PRELID2: variants seen among roughly 807,000 people sequenced by gnomAD.
PRELID2 encodes the protein PRELI domain-containing protein 2.
Under a neutral mutation model 28.4 loss-of-function variants are expected in PRELID2, and 25 were observed. The observed-to-expected ratio is 0.88, with a 90% CI of 0.64 to 1.23. The LOEUF (loss-of-function observed/expected upper bound fraction) is 1.23, where lower values mean the gene tolerates loss of function less well. PRELID2 is among the 50% of genes most tolerant of loss of function. The pLI is 0.00. For synonymous variants in PRELID2, 76 were observed against 71.6 expected (o/e 1.06, Z -0.31); for missense variants, 201 against 214.4 (o/e 0.94, Z 0.39).
intron 1 of PRELID2, among the ~76,000 whole-genome samples, chr5:145,732,251 C>A (rs1398071550): frequency 6.6e-6 from 1 of 152,158 alleles, no homozygotes. Context: ...ATGTCCTGAG[C>A]CTGTCTCCCA....
the PRELID2 span, among the ~76,000 whole-genome samples, chr5:145,254,562 G>T: frequency 6.6e-6 from 1 of 152,004 alleles, no homozygotes; most frequent in East Asian, 1.9e-4. Flanking sequence ...AATTCTGAGG[G>T]CAAAGCAAGA....
At chr5:145,499,446 C>T (rs1348285705) in intron 1 of PRELID2, among the ~76,000 whole-genome samples, 1 of 151,930 alleles carries the variant, frequency 6.6e-6, no homozygotes, top group African/African-American at 2.4e-5. Flanking sequence ...CAACATAAGG[C>T]AGTAAAAATG....
chr5:145,418,343 T>C, the PRELID2 span, among the ~76,000 whole-genome samples: 1 of 152,076 alleles, frequency 6.6e-6, no homozygotes, highest in Non-Finnish European at 1.5e-5. Flanking sequence ...AATACTATTT[T>C]CATTGAACTA....
rs142610432 is a variant in PRELID2 at position 145,579,977 on chromosome 5, T to C, written n.71-106662A>G. Among the ~76,000 whole-genome samples, 11 of 152,212 alleles carry C rather than the reference T, an allele frequency of 7.2e-5. No homozygotes were observed. In the East Asian group the frequency reaches 2.1e-3, roughly 29 times the overall value. ...GTAAATCATTAATACTTAGCCAAGATGAATGAATAACTTTCCAAATAAGAC... is the reference window on the plus strand; with the variant it reads ...GTAAATCATTAATACTTAGCCAAGACGAATGAATAACTTTCCAAATAAGAC... On this transcript the variant is annotated intron_variant and non_coding_transcript_variant, in intron 1 of 2. Transcript: ENST00000510259.
the PRELID2 span, among the ~76,000 whole-genome samples, chr5:145,389,416 C>A: frequency 6.6e-6 from 1 of 152,186 alleles, no homozygotes; most frequent in East Asian, 1.9e-4. Context: ...TCTGCAGTAC[C>A]CACCAAAGCC....
intron 1 of PRELID2, among the ~76,000 whole-genome samples, chr5:145,487,595 T>A (rs548133445): frequency 9.2e-5 from 14 of 151,984 alleles, no homozygotes; most frequent in Middle Eastern, 3.4e-3. Context: ...TTGGAGAGGG[T>A]CATGTCTATG....
At chr5:145,749,056 T>G (rs551275299) in intron 1 of PRELID2, among the ~76,000 whole-genome samples, 1 of 152,110 alleles carries the variant, frequency 6.6e-6, no homozygotes, top group Admixed American at 6.5e-5. Flanking sequence ...ATTCAGGACA[T>G]AGGCGTGGGC....
chr5:145,525,477 C>A (rs1752599016), intron 1 of PRELID2, among the ~76,000 whole-genome samples: 2 of 152,120 alleles, frequency 1.3e-5, no homozygotes, highest in South Asian at 4.1e-4. Flanking sequence ...GTGGTTGATT[C>A]ACCTCATCTC....
chr5:145,507,449 A>C (rs1752421727), intron 1 of PRELID2, among the ~76,000 whole-genome samples: 1 of 152,206 alleles, frequency 6.6e-6, no homozygotes, highest in Non-Finnish European at 1.5e-5. Flanking sequence ...AAAGGTAGAC[A>C]CAACTCAGTT....
chr5:145,558,536 G>A (rs1404321180), intron 1 of PRELID2, among the ~76,000 whole-genome samples: 1 of 152,190 alleles, frequency 6.6e-6, no homozygotes, highest in African/African-American at 2.4e-5. Context: ...CACCTTACGT[G>A]ACACTCAGAA....
At position 145,479,156 on chromosome 5, in the gene PRELID2, C is replaced by A. The variant is rs548384592; in HGVS notation, n.71-5841G>T. ...AGCCCTCCAATCAGACCCTGCCAAA[C>A]CAACGTTCCTAAATCCTTTCCCTTG... On this transcript the variant is annotated intron_variant and non_coding_transcript_variant, in intron 1 of 2. Transcript: ENST00000510259. Among the ~76,000 whole-genome samples, 12 of 152,290 alleles carry A rather than the reference C, an allele frequency of 7.9e-5. No individual in the cohort carries two copies. The East Asian group carries it at 1.2e-3, about 15-fold the overall frequency.
At chr5:145,618,239 G>C (rs1266893074) in intron 1 of PRELID2, among the ~76,000 whole-genome samples, 1 of 152,098 alleles carries the variant, frequency 6.6e-6, no homozygotes, top group Non-Finnish European at 1.5e-5. Flanking sequence ...GTGATTTTTG[G>C]GGAGTGTTAA....
intron 1 of PRELID2, among the ~76,000 whole-genome samples, chr5:145,697,531 G>A (rs1476222052): frequency 1.3e-5 from 2 of 152,076 alleles, no homozygotes; most frequent in Admixed American, 6.5e-5. Context: ...ATTTCTCTAC[G>A]CCATGTTTAT....
At chr5:145,281,162 C>A in the PRELID2 span, among the ~76,000 whole-genome samples, 57 of 152,000 alleles carry the variant, frequency 3.8e-4, no homozygotes, top group South Asian at 0.011. Flanking sequence ...GCATACCTTT[C>A]TTCTTAGCAA....
the PRELID2 span, among the ~76,000 whole-genome samples, chr5:145,391,766 C>G: frequency 6.6e-6 from 1 of 151,334 alleles, no homozygotes; most frequent in Non-Finnish European, 1.5e-5. Context: ...CACTTTGCTG[C>G]TTACAAATTT....
the PRELID2 span, among the ~76,000 whole-genome samples, chr5:145,340,874 C>G: frequency 2.7e-5 from 4 of 150,658 alleles, no homozygotes; most frequent in Non-Finnish European, 4.4e-5. Flanking sequence ...CTGTGTCTAA[C>G]ACTGCCACCA....
the PRELID2 span, among the ~76,000 whole-genome samples, chr5:145,398,935 A>G: frequency 6.6e-6 from 1 of 152,114 alleles, no homozygotes; most frequent in Non-Finnish European, 1.5e-5. Flanking sequence ...AAAAGGTTTC[A>G]GGGAAAAGGA....
At chr5:145,464,465 A>T in the PRELID2 span, among the ~76,000 whole-genome samples, 64,150 of 152,028 alleles carry the variant, frequency 0.42, 13,739 homozygotes, top group African/African-American at 0.44. Context: ...ACAGAAATAT[A>T]TGCCTAAGAA....
chr5:145,336,796 G>C, the PRELID2 span, among the ~76,000 whole-genome samples: 2 of 151,856 alleles, frequency 1.3e-5, no homozygotes, highest in Non-Finnish European at 2.9e-5. Flanking sequence ...AAAATGATGA[G>C]TTCATGTCCT....
Sources: allele counts gnomAD v4.1 joint callset (sites outside exome capture counted in the v4.1 genomes callset), GRCh38; gene constraint gnomAD v4.1.1; transcripts MANE v1.5; gene names NCBI Gene and HGNC (gene_info 2026-07-23, HGNC 2026-07-21).